The following NAALADL2 variants were observed in gnomAD, a reference collection of about 807,000 sequenced individuals.
NAALADL2 encodes N-acetylated alpha-linked acidic dipeptidase like 2, also known as inactive N-acetylated-alpha-linked acidic dipeptidase-like protein 2.
A neutral mutation model predicts 87.2 loss-of-function variants in NAALADL2; 76 were observed. That is an observed-to-expected ratio of 0.87 (90% confidence interval 0.72 to 1.05). NAALADL2 has a LOEUF of 1.05. Ranked by LOEUF, NAALADL2 falls within the 50% of genes least tolerant of loss-of-function variation. NAALADL2 has a pLI of 0.00. For missense variants in NAALADL2, 1,089 were observed against 945.8 expected (o/e 1.15, Z -1.99); for synonymous variants, 354 against 331.0 (o/e 1.07, Z -0.75).
chr3:174,798,061 T>C (rs1330466248), intron 3 of NAALADL2, among the ~76,000 whole-genome samples: 2 of 152,196 alleles, frequency 1.3e-5, no homozygotes, highest in African/African-American at 4.8e-5. Flanking sequence ...ACCAACTGTG[T>C]TCTCTAACAT....
At chr3:175,549,271 A>G (rs1713929317) in intron 9 of NAALADL2, among the ~76,000 whole-genome samples, 1 of 152,010 alleles carries the variant, frequency 6.6e-6, no homozygotes, top group South Asian at 2.1e-4. Context: ...ATGGAAACCA[A>G]AAAAATTGGA....
At chr3:175,110,308 G>A (rs923458835) in intron 2 of NAALADL2, among the ~76,000 whole-genome samples, 2 of 151,494 alleles carry the variant, frequency 1.3e-5, no homozygotes, top group Non-Finnish European at 2.9e-5. Flanking sequence ...ATTATGATAT[G>A]ATGACCAGTG....
At chr3:174,928,512 T>C (rs796975650) in intron 1 of NAALADL2, among the ~76,000 whole-genome samples, 5 of 152,284 alleles carry the variant, frequency 3.3e-5, no homozygotes, top group African/African-American at 1.2e-4. Context: ...AGTGCTGGTA[T>C]TACAGGCGTG....
chr3:174,709,484 C>T (rs1213575019), intron 2 of NAALADL2, among the ~76,000 whole-genome samples: 1 of 152,032 alleles, frequency 6.6e-6, no homozygotes, highest in Non-Finnish European at 1.5e-5. Context: ...AAAACAACTC[C>T]AAGAAGATGA....
chr3:174,597,691 C>A (rs1337972075), intron 2 of NAALADL2, among the ~76,000 whole-genome samples: 1 of 152,090 alleles, frequency 6.6e-6, no homozygotes, highest in Non-Finnish European at 1.5e-5. Context: ...TTTCCTAGTT[C>A]TTGATAAATG....
intron 13 of NAALADL2, among the ~76,000 whole-genome samples, chr3:175,757,975 T>C (rs1401896600): frequency 6.6e-6 from 1 of 152,072 alleles, no homozygotes; most frequent in Non-Finnish European, 1.5e-5. Flanking sequence ...TTGTATAATA[T>C]AGTAAGCTTT....
chr3:175,255,454 T>C (rs1418488264), intron 3 of NAALADL2, among the ~76,000 whole-genome samples: 1 of 152,250 alleles, frequency 6.6e-6, no homozygotes, highest in Non-Finnish European at 1.5e-5. Flanking sequence ...TGATTTGCCA[T>C]GACTAACTGT....
intron 1 of NAALADL2, among the ~76,000 whole-genome samples, chr3:174,985,087 G>C (rs1745674852): frequency 6.6e-6 from 1 of 152,170 alleles, no homozygotes; most frequent in African/African-American, 2.4e-5. Flanking sequence ...CTTCCATACA[G>C]ATGTGTCCTG....
intron 11 of NAALADL2, among the ~76,000 whole-genome samples, chr3:175,636,055 A>G (rs1432659915): frequency 6.6e-6 from 1 of 152,178 alleles, no homozygotes; most frequent in African/African-American, 2.4e-5. Context: ...TTACTGCCCC[A>G]TGGACAACTA....
chr3:175,220,320 G>C (rs2109343811), intron 2 of NAALADL2, among the ~76,000 whole-genome samples: 1 of 148,816 alleles, frequency 6.7e-6, no homozygotes, highest in Non-Finnish European at 1.5e-5. Context: ...AAACAATCTA[G>C]AGGATAACTG....
At chr3:174,468,943 A>G (rs1716714756) in intron 1 of NAALADL2, among the ~76,000 whole-genome samples, 1 of 151,034 alleles carries the variant, frequency 6.6e-6, no homozygotes, top group Non-Finnish European at 1.5e-5. Flanking sequence ...TTGTACTTGT[A>G]GTAGTGACGG....
chr3:175,137,334 C>T (rs9824765), intron 2 of NAALADL2, among the ~76,000 whole-genome samples: 10,728 of 152,032 alleles, frequency 0.071, 792 homozygotes, highest in African/African-American at 0.19. Context: ...TTTAACCTAA[C>T]GTTATATCAT....
intron 4 of NAALADL2, among the ~76,000 whole-genome samples, chr3:175,300,779 ATTTATTTATTTTATTTTAT>A (rs1756975515): frequency 7.2e-6 from 1 of 139,860 alleles, no homozygotes; most frequent in South Asian, 2.1e-4. Context: ...TTATTTATTT[ATTTATTTATTTTATTTTAT>A]TTTATTTATT....
At chr3:174,494,693 C>G (rs1370251434) in intron 1 of NAALADL2, among the ~76,000 whole-genome samples, 2 of 150,870 alleles carry the variant, frequency 1.3e-5, no homozygotes, top group Non-Finnish European at 2.9e-5. Flanking sequence ...AGGTAATAGC[C>G]ATAAGAAAAA....
At chr3:175,791,821 A>C (rs1752816281) in intron 13 of NAALADL2, among the ~76,000 whole-genome samples, 2 of 150,586 alleles carry the variant, frequency 1.3e-5, no homozygotes, top group South Asian at 4.2e-4. Context: ...CATGCAGCAC[A>C]CCTATTTTGT....
intron 3 of NAALADL2, among the ~76,000 whole-genome samples, chr3:174,774,047 A>T (rs1714903837): frequency 6.6e-6 from 1 of 152,176 alleles, no homozygotes; most frequent in Admixed American, 6.5e-5. Flanking sequence ...GTTATTCACA[A>T]GCCTTTCCAT....
chr3:174,886,493 A>C (rs1215777126), intron 1 of NAALADL2, among the ~76,000 whole-genome samples: 1 of 152,126 alleles, frequency 6.6e-6, no homozygotes, highest in African/African-American at 2.4e-5. Flanking sequence ...CAATCCAATC[A>C]AGTTGACACT....
At chr3:175,558,044 AC>A (rs1715580708) in intron 9 of NAALADL2, among the ~76,000 whole-genome samples, 1 of 151,056 alleles carries the variant, frequency 6.6e-6, no homozygotes, top group South Asian at 2.1e-4. Context: ...AATACAAAAA[AC>A]TTAGCCGGGC....
intron 11 of NAALADL2, among the ~76,000 whole-genome samples, chr3:175,662,805 G>C (rs1031142179): frequency 6.6e-6 from 1 of 151,896 alleles, no homozygotes; most frequent in African/African-American, 2.4e-5. Flanking sequence ...TCATTGATTT[G>C]TATATGTTGA....
Sources: gnomAD v4.1 joint callset for allele counts (sites outside exome capture counted in the v4.1 genomes callset) on GRCh38, gnomAD v4.1.1 for gene constraint, MANE v1.5 for transcripts, NCBI Gene and HGNC (gene_info 2026-07-23, HGNC 2026-07-21) for gene names.